PRDM1: variants seen among roughly 807,000 people sequenced by gnomAD.
PRDM1 encodes the protein PR domain zinc finger protein 1.
Under a neutral mutation model 62.8 loss-of-function variants are expected in PRDM1, and 13 were observed. The ratio of observed to expected loss-of-function variants is 0.21; its 90% CI spans 0.13 to 0.33. The LOEUF (loss-of-function observed/expected upper bound fraction) is 0.33. PRDM1 is among the 10% of genes least tolerant of loss of function. PRDM1 has a pLI of 1.00. For missense variants in PRDM1, 895 were observed against 1,058.8 expected, an observed-to-expected ratio of 0.85 and a Z score of 2.15; for synonymous variants, 396 against 417.6, an observed-to-expected ratio of 0.95 and a Z score of 0.63.
At chr6:106,022,003 C>T (rs1772702108) in intron 1 of PRDM1, among the ~76,000 whole-genome samples, 1 of 152,180 alleles carries the variant, frequency 6.6e-6, no homozygotes, top group Non-Finnish European at 1.5e-5. Context: ...TCATTTTATG[C>T]TTCATGTTTT....
At chr6:105,998,913 ATATATATATATATATATATATTTT>A (rs1418276644) in intron 1 of PRDM1, among the ~76,000 whole-genome samples, 352 of 13,838 alleles carry the variant, frequency 0.025, 5 homozygotes, top group Middle Eastern at 0.088. Context: ...ATATATATAT[ATATATATATATATATATATATTTT>A]TTTTTTTTTT....
intron 3 of PRDM1, chr6:106,098,070 C>G (rs926144143): frequency 2.9e-6 from 1 of 339,808 alleles, no homozygotes; most frequent in African/African-American, 2.2e-5. Flanking sequence ...AACGTTTGAG[C>G]GAAATACAGA....
chr6:106,089,423 C>G (rs1194577088), intron 2 of PRDM1, among the ~76,000 whole-genome samples: 1 of 152,138 alleles, frequency 6.6e-6, no homozygotes, highest in African/African-American at 2.4e-5. Flanking sequence ...TTCCTTACAG[C>G]CGTGTCAAAT....
chr6:106,098,938 G>C, intron 3 of PRDM1: 2 of 1,525,078 alleles, frequency 1.3e-6, no homozygotes, highest in Non-Finnish European at 8.8e-7. Context: ...CGGAACTGAA[G>C]TCAGTAGCAT....
chr6:106,083,437 T>C (rs1773729856), upstream of PRDM1, among the ~76,000 whole-genome samples: 1 of 151,944 alleles, frequency 6.6e-6, no homozygotes, highest in Non-Finnish European at 1.5e-5. Flanking sequence ...GGAGTTCAGG[T>C]CTCCAGATTT....
intron 3 of PRDM1, 102 bp from the exon 4 acceptor site, chr6:106,099,198 G>A (rs2114637534): frequency 6.2e-7 from 1 of 1,600,798 alleles, no homozygotes; most frequent in Non-Finnish European, 8.6e-7. Flanking sequence ...AGGCAGTAGG[G>A]GATCAGAAAT....
At chr6:106,030,963 G>A (rs1455514500) in intron 1 of PRDM1, among the ~76,000 whole-genome samples, 2 of 150,192 alleles carry the variant, frequency 1.3e-5, no homozygotes, top group African/African-American at 4.9e-5. Context: ...ACAATAGTTG[G>A]TAGGTTGGAG....
At chr6:106,033,756 T>C (rs1227473188) in intron 1 of PRDM1, among the ~76,000 whole-genome samples, 3 of 152,200 alleles carry the variant, frequency 2.0e-5, no homozygotes, top group Non-Finnish European at 4.4e-5. Context: ...GCTGGCCTCA[T>C]ACAATGAGTA....
In PRDM1 at chr6:106,095,639, T is replaced by C; in HGVS notation, c.316T>C (p.Tyr106His). Residue 106 changes from tyrosine to histidine, a missense_variant, in exon 3 of 7, where the codon TAC (tyrosine) becomes CAC (histidine). Physicochemically the swap from Tyr to His is moderately conservative, Grantham distance 83 (BLOSUM62 2). This residue lies in a region of PRDM1 where 213 missense variants were observed against 283.9 expected (regional missense o/e 0.75). Coordinates refer to ENST00000369096, the MANE Select transcript of PRDM1 (RefSeq NM_001198.4). ...GGTTATTGGAGTGATGAGTAAAGAA[T>C]ACATACCAAAGGGCACACGTTTTGG... ...EEVIGVMSKE[Y>H]IPKGTRFGPL... is the part of the protein sequence containing the mutation. 6.2e-7 allele frequency: 1 copy of C among 1,614,102 alleles called. No individual in the cohort carries two copies. The highest frequency in any genetic ancestry group is 8.5e-7 in the Non-Finnish European group (1 of 1,179,950).
At chr6:106,047,850 C>A (rs1234130235), upstream of PRDM1, among the ~76,000 whole-genome samples, 1 of 152,156 alleles carries the variant, frequency 6.6e-6, no homozygotes, top group Non-Finnish European at 1.5e-5. Flanking sequence ...AAAGCTAATG[C>A]AGGGGCTGGG....
At chr6:106,026,228 T>C (rs7747522) in intron 1 of PRDM1, among the ~76,000 whole-genome samples, 4 of 152,134 alleles carry the variant, frequency 2.6e-5, no homozygotes, top group Non-Finnish European at 4.4e-5. Context: ...CCTGTAATCC[T>C]AGCACTTTGA....
rs1367181475 is a variant in PRDM1, at chr6:106,106,142, T to TA, written c.1773+216dup. Among the ~76,000 whole-genome samples, 2 of 152,164 alleles carry TA rather than the reference T, an allele frequency of 1.3e-5. No individual in the cohort carries two copies. The highest frequency in any genetic ancestry group is 6.5e-5 in the Admixed American group (1 of 15,284). On this transcript the variant is annotated intron_variant, in intron 5 of 6. Coordinates refer to ENST00000369096, the MANE Select transcript of PRDM1 (RefSeq NM_001198.4). This position sits in a 1 kb window ranked among gnomAD's most constrained non-coding sequence, Gnocchi z 4.4. Reference sequence around the variant, plus strand: ...CTTCTCCTGATTTTCTTCTGAATAATAAAAAAATTAGGGGTTTGGACTAGA... The same window carrying TA: ...CTTCTCCTGATTTTCTTCTGAATAATAAAAAAAATTAGGGGTTTGGACTAGA...
rs752308331 is a variant in PRDM1, at chr6:106,105,704, G to T, written c.1544G>T (p.Gly515Val). The change falls in exon 5 of 7, where the codon GGG becomes GTG. Residue 515 changes from glycine to valine, a missense_variant. Gly to Val is a moderately radical substitution (Grantham distance 109). This residue lies in a region of PRDM1 where 444 missense variants were observed against 422.7 expected (regional missense o/e 1.05). Coordinates refer to ENST00000369096, the MANE Select transcript of PRDM1 (RefSeq NM_001198.4). The part of the protein sequence containing the change: ...MKDKACSPTS[G>V]SPTAGTAATA... ...GACAAGGCCTGTAGCCCCACAAGCG[G>T]GTCTCCCACGGCGGGAACAGCCGCC... The T allele has an allele frequency of 1.2e-6, 2 of 1,613,834 alleles. No homozygotes were observed. The highest frequency in any genetic ancestry group is 1.7e-6 in the Non-Finnish European group (2 of 1,179,894).
chr6:106,086,596 G>A lies in PRDM1; in HGVS notation c.42+1G>A. The A allele has an allele frequency of 1.9e-6, 3 of 1,550,584 alleles. No individual in the cohort carries two copies. The highest frequency in any genetic ancestry group is 1.2e-5 in the South Asian group (1 of 83,822). ...GGAAAAACGTGTGGGTACGACCTTG[G>A]TAAGGAACTTGAATTTTTTTTTTTT... is the stretch of plus-strand genomic sequence containing the variant. On this transcript the variant is annotated splice_donor_variant, in intron 1 of 6. Coordinates refer to ENST00000369096, the MANE Select transcript of PRDM1 (RefSeq NM_001198.4). LOFTEE classifies it high-confidence loss of function.
chr6:106,049,030 G>A (rs12201431), intron 1 of PRDM1, among the ~76,000 whole-genome samples: 36,621 of 151,954 alleles, frequency 0.24, 5,043 homozygotes, highest in Non-Finnish European at 0.32. Flanking sequence ...TGTTCAGGCT[G>A]GTCTCGAACT....
intron 1 of PRDM1, among the ~76,000 whole-genome samples, chr6:106,036,458 CACATT>C (rs1489198439): frequency 6.6e-6 from 1 of 152,152 alleles, no homozygotes; most frequent in Non-Finnish European, 1.5e-5. Context: ...GCCATGAGAT[CACATT>C]ACAACACTCT....
intron 1 of PRDM1, among the ~76,000 whole-genome samples, chr6:106,006,980 A>T (rs1562142877): frequency 6.6e-6 from 1 of 151,988 alleles, no homozygotes; most frequent in African/African-American, 2.4e-5. Context: ...ACTCAAAGTC[A>T]TGCTTATTAT....
chr6:106,099,578 T>TA (rs1562170489), intron 4 of PRDM1, 26 bp downstream of exon 4: 1 of 1,609,906 alleles, frequency 6.2e-7, no homozygotes, highest in Non-Finnish European at 8.5e-7. Flanking sequence ...AACAAAAAAA[T>TA]AAAAAATGCC....
chr6:106,084,054 CCTTT>C (rs1233146652), upstream of PRDM1, among the ~76,000 whole-genome samples: 1 of 152,104 alleles, frequency 6.6e-6, no homozygotes, highest in Non-Finnish European at 1.5e-5. Context: ...GAGCAAGCTT[CCTTT>C]CTTTTATTTC....
Sources: gnomAD v4.1 joint callset for allele counts (sites outside exome capture counted in the v4.1 genomes callset) on GRCh38, gnomAD v4.1.1 for gene constraint, gnomAD v4.1.1 regional missense constraint, Gnocchi (gnomAD v3.1) non-coding constraint, MANE v1.5 for transcripts, NCBI Gene and HGNC (gene_info 2026-07-23, HGNC 2026-07-21) for gene names.